PRKN: variants seen among roughly 807,000 people sequenced by gnomAD.
PRKN encodes the protein E3 ubiquitin-protein ligase parkin.
In PRKN, 56 loss-of-function variants were observed where a neutral mutation model predicts 59.5. That is an observed-to-expected ratio of 0.94 (90% CI 0.76 to 1.18). The LOEUF (loss-of-function observed/expected upper bound fraction) is 1.18, where lower values mean the gene tolerates loss of function less well. Among genes scored for constraint, PRKN ranks in the 50% most tolerant of loss-of-function variants. The pLI, the probability that PRKN is intolerant of heterozygous loss-of-function variation, is 0.00. For synonymous variants in PRKN, 250 were observed against 222.1 expected, an observed-to-expected ratio of 1.13 and a Z score of -1.12; for missense variants, 657 against 596.4, an observed-to-expected ratio of 1.10 and a Z score of -1.06.
chr6:161,783,890 T>C (rs1281757980), intron 7 of PRKN, among the ~76,000 whole-genome samples: 4 of 152,218 alleles, frequency 2.6e-5, no homozygotes, highest in Non-Finnish European at 4.4e-5. Flanking sequence ...AAAGTGAGTA[T>C]CATAATTTAC....
chr6:161,469,571 G>A (rs1289961344), intron 9 of PRKN, among the ~76,000 whole-genome samples: 1 of 148,854 alleles, frequency 6.7e-6, no homozygotes, highest in South Asian at 2.1e-4. Flanking sequence ...GAGAGAGAGA[G>A]AAAGAGAGAG....
At chr6:162,220,650 C>T (rs145756798) in intron 3 of PRKN, among the ~76,000 whole-genome samples, 2 of 151,924 alleles carry the variant, frequency 1.3e-5, no homozygotes, top group East Asian at 3.9e-4. Context: ...CTAAATCAAT[C>T]AACGAAAAAA....
intron 1 of PRKN, among the ~76,000 whole-genome samples, chr6:162,553,452 T>C (rs1003737651): frequency 4.7e-5 from 7 of 148,792 alleles, no homozygotes; most frequent in Non-Finnish European, 8.9e-5. Flanking sequence ...TGGGAGCTCA[T>C]ACCTCAGGAA....
At chr6:161,715,128 G>A (rs1171169337) in intron 7 of PRKN, among the ~76,000 whole-genome samples, 1 of 152,168 alleles carries the variant, frequency 6.6e-6, no homozygotes, top group Non-Finnish European at 1.5e-5. Flanking sequence ...TTTTTATAAC[G>A]AAAATGTGCA....
chr6:162,713,519 G>A (rs1481587659), intron 1 of PRKN, among the ~76,000 whole-genome samples: 3 of 134,320 alleles, frequency 2.2e-5, no homozygotes, highest in African/African-American at 8.5e-5. Context: ...AAAAAAATTA[G>A]GTCTCTTTTG....
At chr6:161,411,200 T>A (rs904291953) in intron 9 of PRKN, among the ~76,000 whole-genome samples, 1 of 152,058 alleles carries the variant, frequency 6.6e-6, no homozygotes, top group Admixed American at 6.5e-5. Flanking sequence ...AAATCTCACA[T>A]TGAATTATAG....
chr6:161,416,791 G>A (rs899020285), intron 9 of PRKN, among the ~76,000 whole-genome samples: 1 of 152,156 alleles, frequency 6.6e-6, no homozygotes, highest in African/African-American at 2.4e-5. Context: ...ACCGTGCTAC[G>A]GAGTTGATAC....
chr6:162,722,900 T>G (rs1195535759), intron 1 of PRKN, among the ~76,000 whole-genome samples: 1 of 152,172 alleles, frequency 6.6e-6, no homozygotes, highest in Non-Finnish European at 1.5e-5. Context: ...TATAATTACA[T>G]AAAATCTTCT....
intron 5 of PRKN, among the ~76,000 whole-genome samples, chr6:162,021,758 A>T (rs1231435399): frequency 6.6e-5 from 10 of 151,952 alleles, no homozygotes; most frequent in Admixed American, 5.9e-4. Flanking sequence ...ATATCGTGTG[A>T]TGTTGGGGTT....
intron 4 of PRKN, among the ~76,000 whole-genome samples, chr6:162,148,328 G>T (rs1023459496): frequency 1.3e-5 from 2 of 151,564 alleles, no homozygotes; most frequent in African/African-American, 4.9e-5. Context: ...CTCTGCAAAG[G>T]CTGATGACTT....
intron 9 of PRKN, among the ~76,000 whole-genome samples, chr6:161,434,867 A>G (rs1025773417): frequency 2.0e-5 from 3 of 152,102 alleles, no homozygotes; most frequent in African/African-American, 7.2e-5. Context: ...ACAAAAAAAG[A>G]CCACAAGTTT....
At chr6:161,710,376 T>C (rs752275554) in intron 7 of PRKN, among the ~76,000 whole-genome samples, 4 of 152,196 alleles carry the variant, frequency 2.6e-5, no homozygotes, top group Non-Finnish European at 4.4e-5. Flanking sequence ...GAAAATACCA[T>C]TTGTGACTTA....
intron 6 of PRKN, among the ~76,000 whole-genome samples, chr6:161,924,453 G>A (rs1307406908): frequency 6.6e-6 from 1 of 152,148 alleles, no homozygotes. Flanking sequence ...GGTCAATTTT[G>A]AAAGGCTAGT....
chr6:161,758,539 C>T (rs1198255187), intron 7 of PRKN, among the ~76,000 whole-genome samples: 2 of 152,134 alleles, frequency 1.3e-5, no homozygotes, highest in Non-Finnish European at 2.9e-5. Flanking sequence ...TAAATAATTG[C>T]TTGGCAGGGA....
intron 7 of PRKN, among the ~76,000 whole-genome samples, chr6:161,661,348 C>T (rs1262056496): frequency 2.0e-5 from 3 of 152,156 alleles, no homozygotes; most frequent in Non-Finnish European, 4.4e-5. Flanking sequence ...GTCTACTCAA[C>T]CACACAGGAG....
At chr6:162,708,998 G>A (rs902690845) in intron 1 of PRKN, among the ~76,000 whole-genome samples, 20 of 152,066 alleles carry the variant, frequency 1.3e-4, no homozygotes, top group African/African-American at 1.9e-4. Flanking sequence ...GATTCTCACC[G>A]GAGCGTGAAC....
Position 161,429,995 on chromosome 6 carries a change from T to C in PRKN, c.1084-43118A>G, listed in dbSNP as rs1788567595. 6.6e-6 allele frequency among the ~76,000 whole-genome samples: 1 copy of C among 152,204 alleles called. No homozygotes were observed. Among genetic ancestry groups the C allele is most frequent in the African/African-American group, 2.4e-5 (1 of 41,442 alleles). ...TACAGCAATATCTTTTTTCCTGTGC[T>C]GGTTTCTCAAATCCCAGTTCTCACA... On this transcript the variant is annotated intron_variant, in intron 9 of 11. Transcript: ENST00000366898. This position sits in a 1 kb window ranked among gnomAD's most constrained non-coding sequence, Gnocchi z 4.2.
rs910998161 is a variant in PRKN, at chr6:161,468,321, A to G, written c.1083+80533T>C. On this transcript the variant is annotated intron_variant, in intron 9 of 11. Coordinates refer to ENST00000366898, the MANE Select transcript of PRKN (RefSeq NM_004562.3). The surrounding 1 kb of genome is among the most constrained non-coding windows in gnomAD (Gnocchi z 5.9). Reference sequence around the variant, plus strand: ...AAACAAAAAAAAAACAGCCAAACCTAATCTTCAATCTGAAATAGTGTACTA... The same window carrying G: ...AAACAAAAAAAAAACAGCCAAACCTGATCTTCAATCTGAAATAGTGTACTA... 2.0e-5 allele frequency among the ~76,000 whole-genome samples: 3 copies of G among 152,118 alleles called. No individual in the cohort carries two copies. Among genetic ancestry groups the G allele is most frequent in the Non-Finnish European group, 4.4e-5 (3 of 68,020 alleles).
intron 1 of PRKN, among the ~76,000 whole-genome samples, chr6:162,697,976 T>C (rs767742507): frequency 4.6e-5 from 7 of 152,186 alleles, no homozygotes; most frequent in Non-Finnish European, 8.8e-5. Context: ...TGACAGAATA[T>C]ACACCACACT....
Sources: gnomAD v4.1 joint callset for allele counts (sites outside exome capture counted in the v4.1 genomes callset) on GRCh38, gnomAD v4.1.1 for gene constraint, Gnocchi (gnomAD v3.1) non-coding constraint, MANE v1.5 for transcripts, NCBI Gene and HGNC (gene_info 2026-07-23, HGNC 2026-07-21) for gene names.